The following FHL2 variants were observed in gnomAD, a reference collection of about 807,000 sequenced individuals.
FHL2 encodes four and a half LIM domains 2.
FHL2 carries 20 observed loss-of-function variants against 32.7 expected under a neutral mutation model. The ratio of observed to expected loss-of-function variants is 0.61; its 90% CI spans 0.43 to 0.89. The LOEUF (loss-of-function observed/expected upper bound fraction) is 0.89. Ranked by LOEUF, FHL2 falls within the 40% of genes least tolerant of loss-of-function variation. FHL2 has a pLI of 0.00. For synonymous variants in FHL2, 123 were observed against 128.1 expected (o/e 0.96, Z 0.27); for missense variants, 311 against 358.6 (o/e 0.87, Z 1.07).
At chr2:105,396,775 C>A in intron 1 of FHL2, 78 bp from the exon 2 acceptor site, 1 of 1,227,530 alleles carries the variant, frequency 8.1e-7, no homozygotes. Context: ...TTGAGATGGA[C>A]ACTTAATAAA....
chr2:105,380,377 C>T (rs925327948), intron 3 of FHL2, among the ~76,000 whole-genome samples: 2 of 152,148 alleles, frequency 1.3e-5, no homozygotes, highest in African/African-American at 4.8e-5. Context: ...TTCTATCTAT[C>T]TGTTCTGTCT....
chr2:105,373,430 A>G, intron 4 of FHL2, 129 bp downstream of exon 4: 1 of 898,262 alleles, frequency 1.1e-6, no homozygotes, highest in East Asian at 2.6e-5. Flanking sequence ...ACTCCTCTGC[A>G]GTTCAAGGTC....
chr2:105,379,643 T>C (rs1277398248), intron 3 of FHL2, among the ~76,000 whole-genome samples: 2 of 152,238 alleles, frequency 1.3e-5, no homozygotes, highest in African/African-American at 4.8e-5. Flanking sequence ...TCCTGTTTTT[T>C]ACCTGGCACG....
At chr2:105,414,918 A>G (rs545178293) in intron 1 of FHL2, among the ~76,000 whole-genome samples, 1 of 152,382 alleles carries the variant, frequency 6.6e-6, no homozygotes, top group African/African-American at 2.4e-5. Context: ...CTGTTTCACA[A>G]TATCACCAGC....
rs1177211704 is a variant in FHL2 at position 105,422,601 on chromosome 2, TTTG to T, written c.-25+15795_-25+15797del. ...ACCATGAAAATCAATTTTCCGCTAATTTGTTGTTGTTGTTATTGTTGTGACAGA... is the reference window on the plus strand; with the variant it reads ...ACCATGAAAATCAATTTTCCGCTAATTTGTTGTTGTTATTGTTGTGACAGA... On this transcript the variant is annotated intron_variant, in intron 1 of 5. Coordinates refer to the FHL2 transcript ENST00000393352. Among the ~76,000 whole-genome samples, 6 of 150,596 alleles carry T rather than the reference TTTG, an allele frequency of 4.0e-5. No individual in the cohort carries two copies. The East Asian group carries it at 7.8e-4, about 20-fold the overall frequency.
At chr2:105,420,244 G>C (rs1684058708) in intron 1 of FHL2, among the ~76,000 whole-genome samples, 1 of 152,186 alleles carries the variant, frequency 6.6e-6, no homozygotes, top group African/African-American at 2.4e-5. Flanking sequence ...GCTGCTGGTG[G>C]TTTGCTGGCA....
intron 1 of FHL2, among the ~76,000 whole-genome samples, chr2:105,418,282 C>T (rs1683992572): frequency 6.6e-6 from 1 of 152,036 alleles, no homozygotes; most frequent in Non-Finnish European, 1.5e-5. Context: ...AACTCCTGGG[C>T]CTTCTGGTTT....
chr2:105,364,071 A>G (rs544037844), intron 5 of FHL2, among the ~76,000 whole-genome samples: 1 of 152,136 alleles, frequency 6.6e-6, no homozygotes, highest in Non-Finnish European at 1.5e-5. Flanking sequence ...AGCCTGGCCA[A>G]CATGGCGAAA....
intron 1 of FHL2, among the ~76,000 whole-genome samples, chr2:105,416,203 A>G (rs769186395): frequency 2.0e-5 from 3 of 152,264 alleles, no homozygotes; most frequent in Non-Finnish European, 4.4e-5. Context: ...AACAGGTAAC[A>G]TAGAATGTTT....
upstream of FHL2, among the ~76,000 whole-genome samples, chr2:105,400,723 T>C (rs1683435680): frequency 6.9e-6 from 1 of 144,888 alleles, no homozygotes; most frequent in Non-Finnish European, 1.5e-5. Context: ...CTTACGGGTG[T>C]AATCCATTTA....
chr2:105,421,516 AAATC>A (rs1343042535), intron 1 of FHL2, among the ~76,000 whole-genome samples: 1 of 152,254 alleles, frequency 6.6e-6, no homozygotes, highest in East Asian at 1.9e-4. Flanking sequence ...AGGATGATGA[AAATC>A]AATTTTCTGC....
intron 3 of FHL2, among the ~76,000 whole-genome samples, chr2:105,374,935 G>A (rs1681357441): frequency 6.6e-6 from 1 of 152,166 alleles, no homozygotes; most frequent in South Asian, 2.1e-4. Flanking sequence ...TCCTGAACAG[G>A]GCACAGGAGG....
chr2:105,372,772 AT>A (rs1681179052), intron 4 of FHL2, among the ~76,000 whole-genome samples: 1 of 151,844 alleles, frequency 6.6e-6, no homozygotes, highest in African/African-American at 2.4e-5. Context: ...GGCCAGGCCG[AT>A]TTCAAACTCC....
chr2:105,370,329 C>T (rs1007836914), intron 4 of FHL2, among the ~76,000 whole-genome samples: 2 of 151,606 alleles, frequency 1.3e-5, no homozygotes, highest in Non-Finnish European at 2.9e-5. Flanking sequence ...GAGCAGTGAT[C>T]GTACCACTAC....
chr2:105,429,560 T>G (rs914946951), intron 1 of FHL2, among the ~76,000 whole-genome samples: 1 of 152,102 alleles, frequency 6.6e-6, no homozygotes, highest in African/African-American at 2.4e-5. Flanking sequence ...CTGGAAAAGG[T>G]GGGGAAACAT....
chr2:105,397,846 T>C (rs1683242235), intron 1 of FHL2, among the ~76,000 whole-genome samples: 1 of 151,570 alleles, frequency 6.6e-6, no homozygotes, highest in Non-Finnish European at 1.5e-5. Context: ...ATTCCTGTAC[T>C]TCTAAGACTT....
intron 2 of FHL2, chr2:105,389,780 T>C (rs1263330201): frequency 6.6e-6 from 1 of 152,252 alleles, no homozygotes; most frequent in Non-Finnish European, 1.5e-5. Flanking sequence ...ACAGCCTCTG[T>C]TAATGTCTGC....
chr2:105,378,324 G>T, intron 3 of FHL2: 1 of 388,474 alleles, frequency 2.6e-6, no homozygotes. Flanking sequence ...TGCAAGACTT[G>T]GAGACCTTCT....
chr2:105,431,696 C>T (rs1405848698), intron 1 of FHL2, among the ~76,000 whole-genome samples: 3 of 152,182 alleles, frequency 2.0e-5, no homozygotes, highest in South Asian at 2.1e-4. Flanking sequence ...GCCATTGGAA[C>T]GTTTGGGAAA....
Sources: allele counts gnomAD v4.1 joint callset (sites outside exome capture counted in the v4.1 genomes callset), GRCh38; gene constraint gnomAD v4.1.1; transcripts MANE v1.5; gene names NCBI Gene and HGNC (gene_info 2026-07-23, HGNC 2026-07-21).